The following ADGRE2 variants were observed in gnomAD, a reference collection of about 807,000 sequenced individuals.
ADGRE2 encodes the protein CD97 antigen.
A neutral mutation model predicts 100.8 loss-of-function variants in ADGRE2; 83 were observed. That is an observed-to-expected ratio of 0.82 (90% CI 0.69 to 0.99). The LOEUF is 0.99. Ranked by LOEUF, ADGRE2 falls within the 50% of genes least tolerant of loss-of-function variation. The pLI is 0.00. For missense variants in ADGRE2, 814 were observed against 1,035.7 expected (o/e 0.79, Z 2.94); for synonymous variants, 355 against 413.0 (o/e 0.86, Z 1.70).
At chr19:14,770,236 A>G (rs1336419640) in intron 5 of ADGRE2, among the ~76,000 whole-genome samples, 2 of 151,760 alleles carry the variant, frequency 1.3e-5, no homozygotes, top group African/African-American at 2.4e-5. Flanking sequence ...GTTCCCATGA[A>G]AACTGCTTGT....
intron 17 of ADGRE2, 49 bp downstream of exon 17, chr19:14,746,847 C>A: frequency 6.4e-7 from 1 of 1,560,144 alleles, no homozygotes; most frequent in Non-Finnish European, 8.8e-7. Context: ...TCTTGTTTTT[C>A]TAATGACCCT....
At chr19:14,754,925 CA>C in intron 14 of ADGRE2, 28 bp downstream of exon 14, 1 of 1,602,000 alleles carries the variant, frequency 6.2e-7, no homozygotes. Context: ...GCAATAAATG[CA>C]GAGTGCATCC....
rs1161117263 is a variant in ADGRE2 at position 14,736,144 on chromosome 19, A to G, written c.*92T>C. 9.1e-6 allele frequency: 11 copies of G among 1,214,014 alleles called. No individual in the cohort carries two copies. Among genetic ancestry groups the G allele is most frequent in the Non-Finnish European group, 1.3e-5 (11 of 840,072 alleles). 75.2% of individuals were successfully genotyped at this position (1,214,014 alleles called of 1,614,324 possible). A position where few individuals can be genotyped will look rare whatever the true frequency, so the allele number is the denominator to read the frequency against. ...ACATGGTGAATTTCTTGAAACACAC[A>G]GAACAAAGTCTTTTCTTTCCCCTCT... On this transcript the variant is annotated 3_prime_UTR_variant, in exon 21 of 21. Transcript: ENST00000315576.
At chr19:14,753,661 G>A (rs2043379072) in intron 14 of ADGRE2, among the ~76,000 whole-genome samples, 1 of 152,042 alleles carries the variant, frequency 6.6e-6, no homozygotes, top group African/African-American at 2.4e-5. Context: ...GGGCATGGTG[G>A]TGCATGCCTG....
Position 14,746,335 on chromosome 19 carries a change from C to G in ADGRE2, c.2092-12G>C, listed in dbSNP as rs2147167222. On this transcript the variant is annotated splice_polypyrimidine_tract_variant and intron_variant, in intron 17 of 20. Coordinates refer to ENST00000315576, the MANE Select transcript of ADGRE2 (RefSeq NM_013447.4). The stretch of plus-strand genomic sequence containing the variant: ...AGAACTAAATTCACCTTCAGAAAAC[C>G]ACAGAAGATTTGTTGAATAGATTTT... The G allele has an allele frequency of 6.7e-7, 1 of 1,492,738 alleles. No homozygotes were observed. The highest frequency in any genetic ancestry group is 1.7e-4 in the Middle Eastern group (1 of 5,764). 92.5% of individuals were successfully genotyped at this position (1,492,738 alleles called of 1,614,324 possible).
In ADGRE2 at chr19:14,752,440, G is replaced by C. The variant is rs778443513; in HGVS notation, c.1677C>G (p.Leu559=). 1 of 1,614,142 alleles carries C rather than the reference G, an allele frequency of 6.2e-7. No homozygotes were observed. Among genetic ancestry groups the C allele is most frequent in the Non-Finnish European group, 8.5e-7 (1 of 1,180,024 alleles). ...LCLLLAALTF[L]LCKAIQNTST... is the part of the protein sequence containing the mutation. ...TGGTGTTCTGGATGGCTTTACACAG[G>C]AGAAAAGTGAGGGCCGCCAGGAGGA... The change falls in exon 15 of 21, where the codon CTC becomes CTG. Residue 559 remains leucine, a synonymous_variant. Coordinates refer to ENST00000315576, the MANE Select transcript of ADGRE2 (RefSeq NM_013447.4).
chr19:14,741,209 G>T (rs1280914084), intron 20 of ADGRE2, among the ~76,000 whole-genome samples: 1 of 148,802 alleles, frequency 6.7e-6, no homozygotes, highest in African/African-American at 2.5e-5. Context: ...CAATTCTTGT[G>T]CCTCAGCCTC....
intron 20 of ADGRE2, chr19:14,742,142 G>T (rs1230410386): frequency 2.5e-6 from 1 of 398,518 alleles, no homozygotes; most frequent in Non-Finnish European, 4.4e-6. Flanking sequence ...AATGAGTCAA[G>T]GAGTCGCTCA....
At position 14,733,251 on chromosome 19, in the gene ADGRE2, A is replaced by C. The variant is rs1025682428; in HGVS notation, c.*2985T>G. ...CAGAGCAGGAGCCCCGTTATTTTGG[A>C]CAAACACCGCCACTTTAAGTTTCAG... On this transcript the variant is annotated 3_prime_UTR_variant, in exon 21 of 21. Transcript: ENST00000315576. 1 of 152,186 alleles carries C rather than the reference A, an allele frequency of 6.6e-6. No individual in the cohort carries two copies. Among genetic ancestry groups the C allele is most frequent in the Non-Finnish European group, 1.5e-5 (1 of 68,044 alleles). 9.4% of individuals were successfully genotyped at this position (152,186 alleles called of 1,614,324 possible).
chr19:14,767,865 T>G (rs1201304715), intron 5 of ADGRE2, among the ~76,000 whole-genome samples: 2 of 152,178 alleles, frequency 1.3e-5, no homozygotes, highest in Admixed American at 6.5e-5. Context: ...CACAGTCATA[T>G]TTGAGGAATG....
At chr19:14,767,215 G>C in intron 5 of ADGRE2, 106 bp from the exon 6 acceptor site, 1 of 1,531,300 alleles carries the variant, frequency 6.5e-7, no homozygotes, top group African/African-American at 1.4e-5. Flanking sequence ...AGGCACCACT[G>C]TCTGCTCCCT....
chr19:14,754,872 A>G, intron 14 of ADGRE2, 82 bp downstream of exon 14: 1 of 1,477,556 alleles, frequency 6.8e-7, no homozygotes, highest in Non-Finnish European at 9.3e-7. Context: ...TAATGCATAT[A>G]TTTTTTTAAA....
chr19:14,730,963 G>T (rs8106583), downstream of ADGRE2, among the ~76,000 whole-genome samples: 1 of 151,670 alleles, frequency 6.6e-6, no homozygotes, highest in Admixed American at 6.6e-5. Context: ...GCATTCATGT[G>T]GCTGCAAAAC....
chr19:14,753,064 C>T (rs1298416642), intron 14 of ADGRE2, among the ~76,000 whole-genome samples: 2 of 140,008 alleles, frequency 1.4e-5, no homozygotes, highest in Non-Finnish European at 3.2e-5. Flanking sequence ...GCCACCACAC[C>T]CGTCCTAATT....
Position 14,766,219 on chromosome 19 carries a change from G to A in ADGRE2, c.634+16C>T, listed in dbSNP as rs753422912. ...TGTTTGTGGGTCTCTGGGAACGTGG[G>A]ATCTGAGCTCTCGACCTTCACAGAC... On this transcript the variant is annotated intron_variant, in intron 7 of 20. Transcript: ENST00000315576. 1 of 1,614,084 alleles carries A rather than the reference G, an allele frequency of 6.2e-7. No homozygotes were observed. Among genetic ancestry groups the A allele is most frequent in the Non-Finnish European group, 8.5e-7 (1 of 1,180,002 alleles).
In ADGRE2 at chr19:14,772,470, T is replaced by G. The variant is rs779820386; in HGVS notation, c.227A>C (p.Lys76Thr). ...GTCCGAGAATTTTCCGCATGACACTTTCGACAGTGTTGCACACTCGTTGAT... is the reference window on the plus strand; with the variant it reads ...GTCCGAGAATTTTCCGCATGACACTGTCGACAGTGTTGCACACTCGTTGAT... ...DDINECATLS[K>T]VSCGKFSDCW... The change falls in exon 5 of 21, where the codon AAA (lysine) becomes ACA (threonine). Residue 76 changes from lysine to threonine, a missense_variant. This residue lies in a region of ADGRE2 where 143 missense variants were observed against 160.3 expected (regional missense o/e 0.89). Coordinates refer to ENST00000315576, the MANE Select transcript of ADGRE2 (RefSeq NM_013447.4). 1 of 1,613,952 alleles carries G rather than the reference T, an allele frequency of 6.2e-7. No individual in the cohort carries two copies. The highest frequency in any genetic ancestry group is 8.5e-7 in the Non-Finnish European group (1 of 1,179,990).
intron 13 of ADGRE2, among the ~76,000 whole-genome samples, 153 bp from the exon 14 acceptor site, chr19:14,755,280 A>C (rs923312606): frequency 2.5e-4 from 20 of 80,032 alleles, no homozygotes; most frequent in South Asian, 1.8e-3. Context: ...CTAAAAAAAA[A>C]AAAAAAAAAA....
chr19:14,773,308 T>TCCTTCCTC (rs747881544), intron 4 of ADGRE2, among the ~76,000 whole-genome samples: 2,385 of 145,594 alleles, frequency 0.016, 42 homozygotes, highest in South Asian at 0.059. Flanking sequence ...CTTCCTTCTT[T>TCCTTCCTC]CCTCCCTCCC....
chr19:14,768,019 A>G (rs1283638416), intron 5 of ADGRE2, among the ~76,000 whole-genome samples: 1 of 152,192 alleles, frequency 6.6e-6, no homozygotes, highest in East Asian at 1.9e-4. Context: ...TTGCAAGAAA[A>G]GAAGTTTATT....
Sources: allele counts gnomAD v4.1 joint callset (sites outside exome capture counted in the v4.1 genomes callset), GRCh38; gene constraint gnomAD v4.1.1; regional missense constraint gnomAD v4.1.1; transcripts MANE v1.5; gene names NCBI Gene and HGNC (gene_info 2026-07-23, HGNC 2026-07-21).